TP63: variants seen among roughly 807,000 people sequenced by gnomAD.
The protein encoded by TP63 is tumor protein 63.
A neutral mutation model predicts 82.8 loss-of-function variants in TP63; 17 were observed. That is an observed-to-expected ratio of 0.21 (90% CI 0.14 to 0.31). TP63 has a LOEUF of 0.31. Ranked by LOEUF, TP63 falls within the 10% of genes least tolerant of loss-of-function variation. The pLI is 1.00. For missense variants in TP63, 648 were observed against 895.3 expected (o/e 0.72, Z 3.52); for synonymous variants, 330 against 321.7 (o/e 1.03, Z -0.28).
At chr3:189,596,805 TA>T in the TP63 span, among the ~76,000 whole-genome samples, 1 of 152,074 alleles carries the variant, frequency 6.6e-6, no homozygotes, top group Non-Finnish European at 1.5e-5. Flanking sequence ...CTCTTTGCAG[TA>T]AATCTTGCTA....
intron 4 of TP63, among the ~76,000 whole-genome samples, chr3:189,843,341 G>C (rs1714408839): frequency 6.6e-6 from 1 of 152,212 alleles, no homozygotes; most frequent in Non-Finnish European, 1.5e-5. Context: ...CCACCTGCTT[G>C]ATGTCAACAT....
chr3:189,786,871 T>G (rs1274194302), intron 3 of TP63, among the ~76,000 whole-genome samples: 2 of 152,024 alleles, frequency 1.3e-5, no homozygotes, highest in African/African-American at 4.8e-5. Context: ...GGTTAGAAAA[T>G]TAATGCATGT....
At chr3:189,844,338 A>AT (rs1714571827) in intron 4 of TP63, 1 of 404,648 alleles carries the variant, frequency 2.5e-6, no homozygotes, top group African/African-American at 2.1e-5. Context: ...CGCCCAGCTA[A>AT]TTTTTGGCAC....
intron 1 of TP63, among the ~76,000 whole-genome samples, chr3:189,659,899 T>G (rs1056434421): frequency 3.3e-5 from 5 of 152,006 alleles, no homozygotes; most frequent in Non-Finnish European, 7.4e-5. Flanking sequence ...TTTAATGGAT[T>G]AGTTGGTTTT....
intron 3 of TP63, among the ~76,000 whole-genome samples, chr3:189,803,089 G>T (rs141842593): frequency 6.6e-6 from 1 of 152,066 alleles, no homozygotes; most frequent in Admixed American, 6.6e-5. Flanking sequence ...ACCTGAGGTC[G>T]GGAGTTTGAG....
intron 4 of TP63, among the ~76,000 whole-genome samples, chr3:189,829,291 C>T (rs1711928890): frequency 6.6e-6 from 1 of 152,174 alleles, no homozygotes; most frequent in African/African-American, 2.4e-5. Context: ...TGCTTTCATG[C>T]CTTGAACATG....
chr3:189,659,102 A>T lies in TP63; in HGVS notation c.62+27525A>T, dbSNP rs147630528. 2.4e-3 allele frequency among the ~76,000 whole-genome samples: 369 copies of T among 152,104 alleles called. 3 individuals carry two copies. Among genetic ancestry groups the T allele is most frequent in the African/African-American group, 8.4e-3 (347 of 41,544 alleles). On this transcript the variant is annotated intron_variant, in intron 1 of 13. Transcript: ENST00000264731. ...CTTTTATTTTAGATTCATGGGGTAC[A>T]TGTGCAGTTGTGTTGTATGAATATA...
At chr3:189,702,624 A>G (rs996041425) in intron 1 of TP63, among the ~76,000 whole-genome samples, 1 of 152,228 alleles carries the variant, frequency 6.6e-6, no homozygotes, top group Non-Finnish European at 1.5e-5. Context: ...GGAAAGAGCC[A>G]GAGGGAAAAG....
At chr3:189,783,716 A>G (rs2108580257) in intron 3 of TP63, among the ~76,000 whole-genome samples, 1 of 152,080 alleles carries the variant, frequency 6.6e-6, no homozygotes, top group South Asian at 2.1e-4. Context: ...GGGCTAATGA[A>G]CATATTGAAA....
chr3:189,812,494 G>C (rs932938132), intron 4 of TP63, among the ~76,000 whole-genome samples: 3 of 152,164 alleles, frequency 2.0e-5, no homozygotes, highest in African/African-American at 7.2e-5. Flanking sequence ...CATTGTAGTT[G>C]GGAATCGTTA....
intron 3 of TP63, among the ~76,000 whole-genome samples, chr3:189,747,113 T>G (rs1011842336): frequency 6.6e-6 from 1 of 152,058 alleles, no homozygotes; most frequent in African/African-American, 2.4e-5. Flanking sequence ...GCATATATTA[T>G]TAGATCTAAA....
At chr3:189,733,273 C>T (rs368529662) in intron 1 of TP63, among the ~76,000 whole-genome samples, 3 of 152,306 alleles carry the variant, frequency 2.0e-5, no homozygotes, top group Admixed American at 6.5e-5. Context: ...TTTCTCTCTT[C>T]TGCCTTAGAG....
chr3:189,804,230 G>C (rs926112224), intron 3 of TP63, among the ~76,000 whole-genome samples: 1 of 152,134 alleles, frequency 6.6e-6, no homozygotes, highest in Non-Finnish European at 1.5e-5. Context: ...TCTCTCCTCT[G>C]TTATGGAATT....
chr3:189,894,568 A>T lies in TP63; in HGVS notation c.*66A>T. The stretch of plus-strand genomic sequence containing the variant: ...CAGCCCCCTAAAAGCACTCCTGCTT[A>T]ATCTTCAAAGCCTTCTCCCTAGCTC... On this transcript the variant is annotated 3_prime_UTR_variant, in exon 14 of 14. Coordinates refer to ENST00000264731, the MANE Select transcript of TP63 (RefSeq NM_003722.5). 1.3e-6 allele frequency: 2 copies of T among 1,583,016 alleles called. No homozygotes were observed. Among genetic ancestry groups the T allele is most frequent in the Non-Finnish European group, 1.7e-6 (2 of 1,163,488 alleles).
chr3:189,749,089 A>G (rs1721600841), intron 3 of TP63, among the ~76,000 whole-genome samples: 1 of 152,162 alleles, frequency 6.6e-6, no homozygotes, highest in African/African-American at 2.4e-5. Context: ...AAGAAAACAT[A>G]GAACACTTCA....
chr3:189,879,291 G>A (rs1317193930), intron 10 of TP63, among the ~76,000 whole-genome samples: 2 of 152,200 alleles, frequency 1.3e-5, no homozygotes, highest in Non-Finnish European at 2.9e-5. Context: ...TTTCCAAACA[G>A]TTCATGAGAT....
At chr3:189,797,926 G>A (rs1725877012) in intron 3 of TP63, among the ~76,000 whole-genome samples, 2 of 151,968 alleles carry the variant, frequency 1.3e-5, no homozygotes, top group Admixed American at 1.3e-4. Context: ...CCCTGAAAAA[G>A]CTCTCAGATT....
At chr3:189,866,295 T>C (rs1459476349) in intron 5 of TP63, among the ~76,000 whole-genome samples, 1 of 152,244 alleles carries the variant, frequency 6.6e-6, no homozygotes, top group Non-Finnish European at 1.5e-5. Context: ...GGCAGCATTT[T>C]CTCAGTTAAA....
chr3:189,762,267 G>A (rs1294393938), intron 3 of TP63, among the ~76,000 whole-genome samples: 3 of 152,162 alleles, frequency 2.0e-5, no homozygotes, highest in East Asian at 1.9e-4. Context: ...ACATATTTTG[G>A]TATAAAATAT....
Sources: allele counts gnomAD v4.1 joint callset (sites outside exome capture counted in the v4.1 genomes callset), GRCh38; gene constraint gnomAD v4.1.1; transcripts MANE v1.5; gene names NCBI Gene and HGNC (gene_info 2026-07-23, HGNC 2026-07-21).